SOX6: variants seen among roughly 807,000 people sequenced by gnomAD.
The protein encoded by SOX6 is SRY-box transcription factor 6.
In SOX6, 11 loss-of-function variants were observed where a neutral mutation model predicts 97.8. The observed-to-expected ratio is 0.11, with a 90% CI of 0.07 to 0.19. The LOEUF is 0.19. Among genes scored for constraint, SOX6 ranks in the 10% least tolerant of loss-of-function variants. The probability of loss-of-function intolerance (pLI) is 1.00; values close to 1 mark genes in which losing one functional copy is unlikely to be tolerated. For synonymous variants in SOX6, 360 were observed against 371.4 expected, an observed-to-expected ratio of 0.97 and a Z score of 0.35; for missense variants, 810 against 1,039.5, an observed-to-expected ratio of 0.78 and a Z score of 3.04.
intron 2 of SOX6, among the ~76,000 whole-genome samples, chr11:16,732,907 C>T (rs1848362016): frequency 6.6e-6 from 1 of 152,092 alleles, no homozygotes; most frequent in African/African-American, 2.4e-5. Flanking sequence ...AAAACAACCC[C>T]ATCAAAAAGT....
chr11:16,473,746 T>G (rs1177649659), intron 1 of SOX6, among the ~76,000 whole-genome samples: 1 of 152,084 alleles, frequency 6.6e-6, no homozygotes, highest in African/African-American at 2.4e-5. Flanking sequence ...GAGATGGAGT[T>G]TCACCATGTT....
In SOX6 at chr11:16,662,279, G is replaced by A. The variant is rs758965144; in HGVS notation, n.430-50019C>T. On this transcript the variant is annotated intron_variant and non_coding_transcript_variant, in intron 3 of 5. Transcript: ENST00000524520. ...CCTCACTTTGAAGGATAATTTTGCC[G>A]GATAAAGAATTCTAAGTTGGTAGAG... 1.1e-4 allele frequency among the ~76,000 whole-genome samples: 17 copies of A among 152,172 alleles called. No individual in the cohort carries two copies. The South Asian group carries it at 1.2e-3, about 11-fold the overall frequency.
intron 3 of SOX6, among the ~76,000 whole-genome samples, chr11:16,632,589 T>A (rs1256742629): frequency 6.6e-6 from 1 of 152,212 alleles, no homozygotes; most frequent in Non-Finnish European, 1.5e-5. Flanking sequence ...AGGGTCAGAC[T>A]GGGCAGGTCT....
chr11:16,338,029 C>T (rs2134335575), intron 2 of SOX6, among the ~76,000 whole-genome samples: 1 of 152,166 alleles, frequency 6.6e-6, no homozygotes, highest in Middle Eastern at 3.4e-3. Context: ...AAGTAAAACC[C>T]TTCCTGTACC....
At chr11:16,310,195 G>A (rs1207735613) in intron 3 of SOX6, among the ~76,000 whole-genome samples, 1 of 152,060 alleles carries the variant, frequency 6.6e-6, no homozygotes, top group Admixed American at 6.6e-5. Flanking sequence ...AACTGTAAAT[G>A]GAGGTTGCAA....
At chr11:16,583,639 A>ATATATATATATATATATC (rs1440436887) in intron 4 of SOX6, among the ~76,000 whole-genome samples, 1 of 140,154 alleles carries the variant, frequency 7.1e-6, no homozygotes, top group African/African-American at 2.6e-5. Context: ...ATATATATAC[A>ATATATATATATATATATC]CATACACACA....
rs543179115 is a variant in SOX6, at chr11:16,280,040, A to G, written c.445+38406T>C. ...AAAGTTTTTCAATGGTAAGCAAACA[A>G]CAAAATGTATCAAGAAATGACTTAA... On this transcript the variant is annotated intron_variant, in intron 3 of 15. Transcript: ENST00000683767. Among the ~76,000 whole-genome samples, 9 of 152,270 alleles carry G rather than the reference A, an allele frequency of 5.9e-5. No individual in the cohort carries two copies. In the South Asian group the frequency reaches 8.3e-4, roughly 14 times the overall value.
In SOX6 at chr11:16,341,214, C is replaced by T. The variant is rs1157988750; in HGVS notation, c.35G>A (p.Cys12Tyr). 2 of 1,613,214 alleles carry T rather than the reference C, an allele frequency of 1.2e-6. No individual in the cohort carries two copies. The highest frequency in any genetic ancestry group is 1.7e-6 in the Non-Finnish European group (2 of 1,179,546). ...SSKQATSPFA[C>Y]AADGEDAMTQ... ...CATTGCATCCTCTCCATCAGCTGCA[C>T]AGGCAAATGGAGAGGTGGCTTGCTT... Residue 12 changes from cysteine (C) to tyrosine (Y), a missense_variant, in exon 2 of 16, where the codon TGT (cysteine) becomes TAT (tyrosine). Transcript: ENST00000683767.
intron 4 of SOX6, among the ~76,000 whole-genome samples, chr11:16,604,961 G>A (rs1167002667): frequency 6.6e-6 from 1 of 152,134 alleles, no homozygotes; most frequent in East Asian, 1.9e-4. Flanking sequence ...CAGCAGCCCC[G>A]GGCCGCTCCT....
At chr11:16,713,601 C>T (rs1848196951) in intron 3 of SOX6, among the ~76,000 whole-genome samples, 1 of 152,054 alleles carries the variant, frequency 6.6e-6, no homozygotes, top group Non-Finnish European at 1.5e-5. Flanking sequence ...AAAATTTGCA[C>T]AATTTTGAAA....
chr11:16,201,560 T>G (rs1851938254), intron 4 of SOX6, among the ~76,000 whole-genome samples: 2 of 150,416 alleles, frequency 1.3e-5, no homozygotes, highest in Non-Finnish European at 3.0e-5. Context: ...AACCTAACAA[T>G]GTATAGGTTC....
chr11:16,283,992 T>C, intron 3 of SOX6: 1 of 346,850 alleles, frequency 2.9e-6, no homozygotes, highest in Non-Finnish European at 5.5e-6. Context: ...TTAAATAATG[T>C]GTTTACACTA....
intron 1 of SOX6, among the ~76,000 whole-genome samples, chr11:16,395,457 A>C (rs1213728534): frequency 2.0e-5 from 3 of 151,740 alleles, no homozygotes; most frequent in African/African-American, 4.8e-5. Flanking sequence ...TCCAGGTGAG[A>C]ACACAGCATT....
Position 15,972,740 on chromosome 11 carries a change from C to T in SOX6, c.*69G>A. 1 of 1,554,722 alleles carries T rather than the reference C, an allele frequency of 6.4e-7. No individual in the cohort carries two copies. The highest frequency in any genetic ancestry group is 8.9e-7 in the Non-Finnish European group (1 of 1,127,476). On this transcript the variant is annotated 3_prime_UTR_variant, in exon 16 of 16. Transcript: ENST00000683767. Reference sequence around the variant, plus strand: ...GTGGAGCCACAAATGCATGCGGGCTCTTTAATAACTCTTTGTTGGGGAGGG... The same window carrying T: ...GTGGAGCCACAAATGCATGCGGGCTTTTTAATAACTCTTTGTTGGGGAGGG...
chr11:16,129,269 T>C (rs530427861), intron 6 of SOX6, among the ~76,000 whole-genome samples: 2 of 152,238 alleles, frequency 1.3e-5, no homozygotes, highest in South Asian at 2.1e-4. Context: ...ACCTACATCA[T>C]GTAAAGAGGA....
chr11:16,044,515 T>C (rs1000856801), intron 12 of SOX6, among the ~76,000 whole-genome samples: 4 of 152,138 alleles, frequency 2.6e-5, no homozygotes, highest in Non-Finnish European at 5.9e-5. Context: ...GAAGAAAAAG[T>C]AGTGCCCCAT....
chr11:16,221,902 T>C (rs2134158177), intron 4 of SOX6, among the ~76,000 whole-genome samples: 1 of 152,278 alleles, frequency 6.6e-6, no homozygotes, highest in East Asian at 1.9e-4. Context: ...GATTTTAATA[T>C]AAAAGTATGA....
chr11:16,138,944 C>A (rs1038826728), intron 6 of SOX6, among the ~76,000 whole-genome samples: 34 of 152,120 alleles, frequency 2.2e-4, no homozygotes, highest in Non-Finnish European at 4.1e-4. Flanking sequence ...TTAATCCAGT[C>A]TATCATTTTT....
intron 1 of SOX6, among the ~76,000 whole-genome samples, chr11:16,460,657 C>CT (rs1859905616): frequency 6.6e-6 from 1 of 151,994 alleles, no homozygotes; most frequent in Non-Finnish European, 1.5e-5. Flanking sequence ...TTTGCTGCAA[C>CT]TATATCTCAT....
Sources: gnomAD v4.1 joint callset for allele counts (sites outside exome capture counted in the v4.1 genomes callset) on GRCh38, gnomAD v4.1.1 for gene constraint, MANE v1.5 for transcripts, NCBI Gene and HGNC (gene_info 2026-07-23, HGNC 2026-07-21) for gene names.